DSCAM: variants seen among roughly 807,000 people sequenced by gnomAD.
DSCAM encodes cell adhesion molecule DSCAM.
DSCAM carries 47 observed loss-of-function variants against 217.7 expected under a neutral mutation model. The observed-to-expected ratio is 0.22, with a 90% CI of 0.17 to 0.28. DSCAM has a LOEUF of 0.28. DSCAM is among the 10% of genes least tolerant of loss of function. DSCAM has a pLI of 1.00. For missense variants in DSCAM, 2,080 were observed against 2,618.3 expected (o/e 0.79, Z 4.49); for synonymous variants, 1,056 against 1,015.3 (o/e 1.04, Z -0.76).
chr21:40,469,594 T>C (rs1308200679), intron 3 of DSCAM, among the ~76,000 whole-genome samples: 1 of 152,222 alleles, frequency 6.6e-6, no homozygotes, highest in Non-Finnish European at 1.5e-5. Context: ...TGACACTTAA[T>C]ATTTACATGA....
intron 10 of DSCAM, among the ~76,000 whole-genome samples, chr21:40,294,262 A>G (rs1260503957): frequency 6.6e-6 from 1 of 152,240 alleles, no homozygotes; most frequent in Non-Finnish European, 1.5e-5. Context: ...ACATAGAGAT[A>G]AGCGTGCAAG....
intron 3 of DSCAM, among the ~76,000 whole-genome samples, chr21:40,612,011 A>G (rs55918548): frequency 0.12 from 18,080 of 152,158 alleles, 1,498 homozygotes; most frequent in East Asian, 0.23. Flanking sequence ...TGGATTTGAA[A>G]TACACAGAGC....
chr21:40,758,635 T>C (rs2091299913), intron 1 of DSCAM, among the ~76,000 whole-genome samples: 1 of 152,106 alleles, frequency 6.6e-6, no homozygotes, highest in Admixed American at 6.5e-5. Context: ...GGTCTATTTA[T>C]GGTTTTCCTT....
At chr21:40,071,278 G>T (rs2089289332) in intron 27 of DSCAM, among the ~76,000 whole-genome samples, 1 of 152,038 alleles carries the variant, frequency 6.6e-6, no homozygotes, top group Non-Finnish European at 1.5e-5. Flanking sequence ...TAAGGTTATA[G>T]ATTTAAAAAA....
At chr21:40,097,950 A>AAAAAAAAG (rs1568938926) in intron 20 of DSCAM, among the ~76,000 whole-genome samples, 6 of 71,294 alleles carry the variant, frequency 8.4e-5, no homozygotes, top group Non-Finnish European at 1.7e-4. Context: ...CAAAAAAAAA[A>AAAAAAAAG]AAAAAAAGAA....
chr21:40,235,683 C>T (rs1247725428), intron 11 of DSCAM, among the ~76,000 whole-genome samples: 3 of 152,008 alleles, frequency 2.0e-5, no homozygotes, highest in Non-Finnish European at 2.9e-5. Flanking sequence ...CAACTGTATT[C>T]ATCTGCAAGC....
At chr21:40,198,083 C>G (rs2091033213) in intron 11 of DSCAM, among the ~76,000 whole-genome samples, 1 of 152,106 alleles carries the variant, frequency 6.6e-6, no homozygotes, top group Non-Finnish European at 1.5e-5. Flanking sequence ...TTTCCACTTT[C>G]TCAGCTGCAA....
At chr21:40,352,799 T>C (rs1245307182) in intron 5 of DSCAM, among the ~76,000 whole-genome samples, 2 of 152,074 alleles carry the variant, frequency 1.3e-5, no homozygotes, top group East Asian at 3.9e-4. Context: ...AAATTGAGGG[T>C]GGTTGAGTAG....
intron 32 of DSCAM, among the ~76,000 whole-genome samples, chr21:40,026,684 A>G (rs570799838): frequency 6.7e-6 from 1 of 148,714 alleles, no homozygotes; most frequent in South Asian, 2.1e-4. Context: ...ATCCGAGACT[A>G]GGATTGCAAC....
At position 40,601,800 on chromosome 21, in the gene DSCAM, C is replaced by T. The variant is rs184704745; in HGVS notation, c.508+91010G>A. 1.9e-4 allele frequency among the ~76,000 whole-genome samples: 29 copies of T among 152,174 alleles called. 1 individual carries two copies. The highest frequency in any genetic ancestry group is 3.4e-3 in the Middle Eastern group (1 of 294). On this transcript the variant is annotated intron_variant, in intron 3 of 32. Coordinates refer to ENST00000400454, the MANE Select transcript of DSCAM (RefSeq NM_001389.5). ...TTTCATTCTTCAGCCTATTATAATG[C>T]GATAGGTTACATTTCCTCATTTTCT... is the stretch of plus-strand genomic sequence containing the variant.
chr21:40,775,970 A>C (rs1364092353), intron 1 of DSCAM, among the ~76,000 whole-genome samples: 2 of 152,164 alleles, frequency 1.3e-5, no homozygotes, highest in Admixed American at 6.5e-5. Context: ...AACCAACCAT[A>C]GTGATGTGAA....
chr21:40,155,323 C>T (rs2837463), intron 16 of DSCAM, among the ~76,000 whole-genome samples: 44,914 of 152,118 alleles, frequency 0.3, 6,804 homozygotes, highest in Middle Eastern at 0.46. Flanking sequence ...CTAGAGGGTG[C>T]ACTCTGATGC....
At chr21:40,623,238 GA>G (rs5844027) in intron 3 of DSCAM, among the ~76,000 whole-genome samples, 127,737 of 149,884 alleles carry the variant, frequency 0.85, 54,578 homozygotes, top group African/African-American at 0.91. Flanking sequence ...AAGCTATTCA[GA>G]AAAAAAAAAA....
At chr21:40,689,776 T>C (rs1391263635) in intron 3 of DSCAM, among the ~76,000 whole-genome samples, 1 of 152,194 alleles carries the variant, frequency 6.6e-6, no homozygotes, top group Non-Finnish European at 1.5e-5. Flanking sequence ...TCGCAGGAGT[T>C]ACAGTTTATA....
At chr21:40,671,088 CA>C (rs1355378976) in intron 3 of DSCAM, among the ~76,000 whole-genome samples, 1 of 152,200 alleles carries the variant, frequency 6.6e-6, no homozygotes, top group Non-Finnish European at 1.5e-5. Context: ...ACACCATTCA[CA>C]TCCACAGTCT....
intron 11 of DSCAM, among the ~76,000 whole-genome samples, chr21:40,256,417 A>AGG (rs1160464723): frequency 4.6e-5 from 7 of 151,390 alleles, no homozygotes; most frequent in African/African-American, 1.7e-4. Context: ...AGAGAGAGAG[A>AGG]GAGAGACAGA....
chr21:40,372,474 G>A lies in DSCAM; in HGVS notation c.509-3229C>T, dbSNP rs540889669. Among the ~76,000 whole-genome samples the A allele has an allele frequency of 9.2e-5, 14 of 152,298 alleles. No homozygotes were observed. In the South Asian group the frequency reaches 2.7e-3, roughly 29 times the overall value. On this transcript the variant is annotated intron_variant, in intron 3 of 32. Coordinates refer to ENST00000400454, the MANE Select transcript of DSCAM (RefSeq NM_001389.5). Reference sequence around the variant, plus strand: ...TACTTTTTGTCATGTTAGACACACTGCAATTTAGAGCCTACTGAACAGGGA... The same window carrying A: ...TACTTTTTGTCATGTTAGACACACTACAATTTAGAGCCTACTGAACAGGGA...
chr21:40,509,800 A>G (rs2076243681), intron 3 of DSCAM, among the ~76,000 whole-genome samples: 1 of 152,248 alleles, frequency 6.6e-6, no homozygotes. Flanking sequence ...AACAGAAAGC[A>G]AACTTTATTA....
chr21:40,287,481 G>T (rs1015420301), intron 10 of DSCAM, among the ~76,000 whole-genome samples: 1 of 152,222 alleles, frequency 6.6e-6, no homozygotes, highest in Non-Finnish European at 1.5e-5. Flanking sequence ...GGATCAAGGT[G>T]AGCCTTTCCA....
Sources: allele counts gnomAD v4.1 joint callset (sites outside exome capture counted in the v4.1 genomes callset), GRCh38; gene constraint gnomAD v4.1.1; transcripts MANE v1.5; gene names NCBI Gene and HGNC (gene_info 2026-07-23, HGNC 2026-07-21).